The following ERP27 variants were observed in gnomAD, a reference collection of about 807,000 sequenced individuals.
ERP27 encodes endoplasmic reticulum protein 27.
A neutral mutation model predicts 27.7 loss-of-function variants in ERP27; 23 were observed. That is an observed-to-expected ratio of 0.83 (90% CI 0.60 to 1.18). ERP27 has a LOEUF of 1.18. Among genes scored for constraint, ERP27 ranks in the 50% most tolerant of loss-of-function variants. The pLI, the probability that ERP27 is intolerant of heterozygous loss-of-function variation, is 0.00. For missense variants in ERP27, 363 were observed against 327.9 expected, an observed-to-expected ratio of 1.11 and a Z score of -0.83; for synonymous variants, 159 against 118.3, an observed-to-expected ratio of 1.34 and a Z score of -2.23.
intron 4 of ERP27, among the ~76,000 whole-genome samples, chr12:14,919,223 A>G (rs545119897): frequency 6.6e-6 from 1 of 152,342 alleles, no homozygotes; most frequent in East Asian, 1.9e-4. Flanking sequence ...AAAAAAAGTA[A>G]CAATACAGAT....
chr12:14,936,017 C>T (rs972996808), intron 2 of ERP27, among the ~76,000 whole-genome samples: 13 of 152,078 alleles, frequency 8.5e-5, no homozygotes, highest in Non-Finnish European at 1.3e-4. Flanking sequence ...TCACTGTGCC[C>T]GGCCAAGATG....
chr12:14,917,787 C>T (rs750475140), intron 4 of ERP27, among the ~76,000 whole-genome samples: 13 of 152,154 alleles, frequency 8.5e-5, no homozygotes, highest in Non-Finnish European at 1.9e-4. Context: ...TGACTGCAGC[C>T]CTGACCAATG....
At chr12:14,937,112 G>C (rs984899802) in intron 2 of ERP27, among the ~76,000 whole-genome samples, 1 of 152,114 alleles carries the variant, frequency 6.6e-6, no homozygotes, top group Non-Finnish European at 1.5e-5. Flanking sequence ...TCTTTCTGAC[G>C]GTGTTTTTGT....
chr12:14,921,139 T>C, intron 3 of ERP27, 91 bp from the exon 4 acceptor site: 1 of 1,073,572 alleles, frequency 9.3e-7, no homozygotes, highest in Non-Finnish European at 1.4e-6. Flanking sequence ...CAGGCACTGA[T>C]TAAAGCTCTG....
intron 3 of ERP27, among the ~76,000 whole-genome samples, chr12:14,924,431 TTTAAATTTTTG>T (rs1160036703): frequency 6.6e-6 from 1 of 152,208 alleles, no homozygotes; most frequent in Non-Finnish European, 1.5e-5. Context: ...TAGTTCTATT[TTTAAATTTTTG>T]AGGAATGTTC....
Position 14,915,586 on chromosome 12 carries a change from T to A in ERP27, c.677A>T (p.Gln226Leu). ...TGTATCCCACTCGTCATCTAGAGTC[T>A]GGTAAATTGCCAAAGCTGGCAGTTG... ...ESQLPALAIY[Q>L]TLDDEWDTLP... Residue 226 changes from glutamine to leucine, a missense_variant, in exon 6 of 7, where the codon CAG becomes CTG. Transcript: ENST00000266397. 2 of 1,614,236 alleles carry A rather than the reference T, an allele frequency of 1.2e-6. No individual in the cohort carries two copies. Among genetic ancestry groups the A allele is most frequent in the Non-Finnish European group, 8.5e-7 (1 of 1,180,036 alleles).
intron 6 of ERP27, 75 bp downstream of exon 6, chr12:14,915,414 A>T: frequency 1.3e-6 from 2 of 1,523,468 alleles, no homozygotes. Flanking sequence ...CTGAGCCCAA[A>T]GAATTCTTAT....
At chr12:14,935,211 C>T in intron 2 of ERP27, 2 of 939,404 alleles carry the variant, frequency 2.1e-6, no homozygotes, top group Non-Finnish European at 2.5e-6. Flanking sequence ...GAAATTGTAG[C>T]TGAGCCTGAG....
At chr12:14,937,771 G>A (rs928582824) in intron 2 of ERP27, among the ~76,000 whole-genome samples, 181 bp downstream of exon 2, 1 of 152,244 alleles carries the variant, frequency 6.6e-6, no homozygotes, top group Non-Finnish European at 1.5e-5. Flanking sequence ...ATATAATTTA[G>A]AGACTGGGAA....
chr12:14,917,339 C>T (rs148226063), intron 4 of ERP27, 36 bp from the exon 5 acceptor site: 21 of 1,613,542 alleles, frequency 1.3e-5, no homozygotes, highest in South Asian at 5.5e-5. Context: ...AGAGTGAAAG[C>T]GAGAAAGAAT....
chr12:14,932,183 T>C (rs898657625), intron 3 of ERP27, among the ~76,000 whole-genome samples: 36 of 152,176 alleles, frequency 2.4e-4, no homozygotes, highest in African/African-American at 7.2e-4. Flanking sequence ...CAGCCTTGAA[T>C]AGGTCATGGC....
At chr12:14,917,776 A>T (rs1863435396) in intron 4 of ERP27, among the ~76,000 whole-genome samples, 1 of 152,204 alleles carries the variant, frequency 6.6e-6, no homozygotes, top group Non-Finnish European at 1.5e-5. Flanking sequence ...GAGCCTTCAG[A>T]TGACTGCAGC....
chr12:14,918,268 T>A (rs2120548197), intron 4 of ERP27, among the ~76,000 whole-genome samples: 1 of 152,320 alleles, frequency 6.6e-6, no homozygotes, highest in Admixed American at 6.5e-5. Context: ...ATGGACTGCC[T>A]CATGCACAGT....
Position 14,938,077 on chromosome 12 carries a change from A to G in ERP27, c.95-25T>C, listed in dbSNP as rs772894554. The G allele has an allele frequency of 3.2e-6, 5 of 1,578,994 alleles. No homozygotes were observed. In the African/African-American group the frequency reaches 6.7e-5, roughly 21 times the overall value. ...TCTAGAGAGAGAAGCAGAAGATGTC[A>G]GGGTACTGAGGCAAGAAGAAGCAGC... On this transcript the variant is annotated intron_variant, in intron 1 of 6. Coordinates refer to ENST00000266397, the MANE Select transcript of ERP27 (RefSeq NM_152321.4).
chr12:14,921,758 C>T (rs1300266287), intron 3 of ERP27, among the ~76,000 whole-genome samples: 1 of 152,156 alleles, frequency 6.6e-6, no homozygotes, highest in African/African-American at 2.4e-5. Context: ...CCCCTGAAGT[C>T]CTGGTGCTTC....
chr12:14,924,593 A>T (rs12312821), intron 3 of ERP27, among the ~76,000 whole-genome samples: 47,122 of 152,010 alleles, frequency 0.31, 7,877 homozygotes, highest in Middle Eastern at 0.38. Context: ...GTGATATCTT[A>T]TTGTGGTTTT....
chr12:14,922,889 A>G (rs772624746), intron 3 of ERP27, among the ~76,000 whole-genome samples: 3 of 152,284 alleles, frequency 2.0e-5, no homozygotes, highest in South Asian at 4.1e-4. Context: ...TAGCCGGCCA[A>G]CATGGTGAAA....
intron 2 of ERP27, among the ~76,000 whole-genome samples, chr12:14,935,783 A>G (rs974946604): frequency 1.3e-5 from 2 of 152,222 alleles, no homozygotes; most frequent in African/African-American, 2.4e-5. Flanking sequence ...GCTAGAGTGC[A>G]GTGGCAAAAT....
intron 3 of ERP27, 29 bp downstream of exon 3, chr12:14,934,827 A>G: frequency 6.2e-7 from 1 of 1,613,280 alleles, no homozygotes; most frequent in Non-Finnish European, 8.5e-7. Context: ...AAAATCTGGG[A>G]GAAAGCTCAA....
Sources: allele counts gnomAD v4.1 joint callset (sites outside exome capture counted in the v4.1 genomes callset), GRCh38; gene constraint gnomAD v4.1.1; transcripts MANE v1.5; gene names NCBI Gene and HGNC (gene_info 2026-07-23, HGNC 2026-07-21).